MYO3A: variants seen among roughly 807,000 people sequenced by gnomAD.
The protein encoded by MYO3A is myosin-IIIa.
A neutral mutation model predicts 192.7 loss-of-function variants in MYO3A; 180 were observed. The ratio of observed to expected loss-of-function variants is 0.93; its 90% CI spans 0.83 to 1.06. MYO3A has a LOEUF of 1.06. Ranked by LOEUF, MYO3A falls within the 50% of genes least tolerant of loss-of-function variation. The probability of loss-of-function intolerance (pLI) is 0.00; values close to 1 mark genes in which losing one functional copy is unlikely to be tolerated. For synonymous variants in MYO3A, 628 were observed against 645.3 expected (o/e 0.97, Z 0.41); for missense variants, 1,896 against 1,905.0 (o/e 1.00, Z 0.09).
intron 17 of MYO3A, among the ~76,000 whole-genome samples, chr10:26,111,558 C>T (rs1004000847): frequency 6.6e-6 from 1 of 152,164 alleles, no homozygotes; most frequent in Non-Finnish European, 1.5e-5. Flanking sequence ...TTTCTCCTCC[C>T]TCAGTCCTCC....
At position 25,938,718 on chromosome 10, in the gene MYO3A, G is replaced by A. The variant is rs113634787; in HGVS notation, c.-18+2888G>A. 5.3e-5 allele frequency among the ~76,000 whole-genome samples: 8 copies of A among 152,230 alleles called. 1 individual carries two copies. The highest frequency in any genetic ancestry group is 1.9e-4 in the African/African-American group (8 of 41,544). On this transcript the variant is annotated intron_variant, in intron 2 of 34. Coordinates refer to ENST00000642920, the MANE Select transcript of MYO3A (RefSeq NM_017433.5). The stretch of plus-strand genomic sequence containing the variant: ...ACTCATGATATTAAAATATTGCTTG[G>A]TTTTGAGTAAAGCCATCTGCTGTCT...
chr10:26,111,786 G>A (rs1384356361), intron 17 of MYO3A, among the ~76,000 whole-genome samples: 1 of 152,220 alleles, frequency 6.6e-6, no homozygotes, highest in Non-Finnish European at 1.5e-5. Flanking sequence ...TTGGATGCCT[G>A]GTTAGGGGAA....
chr10:26,201,187 T>C (rs1210939509), intron 32 of MYO3A, 78 bp from the exon 33 acceptor site: 1 of 639,834 alleles, frequency 1.6e-6, no homozygotes, highest in Non-Finnish European at 2.4e-6. Flanking sequence ...TGTATTTACA[T>C]ATTAAGATTA....
At chr10:26,091,819 T>G (rs1194065568) in intron 15 of MYO3A, among the ~76,000 whole-genome samples, 1 of 152,242 alleles carries the variant, frequency 6.6e-6, no homozygotes, top group Non-Finnish European at 1.5e-5. Flanking sequence ...CTCATCCTTC[T>G]GTCTGACTCC....
intron 14 of MYO3A, among the ~76,000 whole-genome samples, chr10:26,085,925 C>T (rs916242395): frequency 2.6e-5 from 4 of 152,108 alleles, no homozygotes; most frequent in African/African-American, 9.7e-5. Context: ...TCTATGTGGC[C>T]TTTCTGGGTT....
intron 4 of MYO3A, among the ~76,000 whole-genome samples, chr10:25,995,285 A>G (rs1417816530): frequency 1.3e-5 from 2 of 152,128 alleles, no homozygotes; most frequent in Non-Finnish European, 2.9e-5. Flanking sequence ...CCTTTCTTCC[A>G]GTTGATCGAA....
chr10:25,993,951 C>T (rs1840244643), intron 4 of MYO3A, among the ~76,000 whole-genome samples: 1 of 152,062 alleles, frequency 6.6e-6, no homozygotes, highest in South Asian at 2.1e-4. Flanking sequence ...TCAGTTTTGG[C>T]ATAGGTGCGG....
At position 26,021,520 on chromosome 10, in the gene MYO3A, G is replaced by A; in HGVS notation, c.603G>A (p.Gln201=). ...WMAPEVIACE[Q]QLDTTYDARC... is the part of the protein sequence containing the mutation. ...TCTACTAGGTGATTGCATGTGAACA[G>A]CAATTGGATACCACTTATGACGCCA... The change falls in exon 8 of 35, where the codon CAG becomes CAA. Residue 201 remains glutamine (Q), a synonymous_variant. Transcript: ENST00000642920. 6.2e-7 allele frequency: 1 copy of A among 1,614,110 alleles called. No homozygotes were observed. The highest frequency in any genetic ancestry group is 8.5e-7 in the Non-Finnish European group (1 of 1,179,954).
intron 31 of MYO3A, among the ~76,000 whole-genome samples, chr10:26,188,102 C>T (rs1199237770): frequency 2.0e-5 from 3 of 152,106 alleles, no homozygotes; most frequent in Admixed American, 6.5e-5. Context: ...GTTTACAGTC[C>T]CACCAACAGT....
intron 33 of MYO3A, 47 bp from the exon 34 acceptor site, chr10:26,202,917 T>G: frequency 1.2e-6 from 2 of 1,603,808 alleles, no homozygotes; most frequent in Non-Finnish European, 8.5e-7. Context: ...TTTAAGTGAG[T>G]AGAAAATTAG....
At chr10:26,172,093 A>G (rs1406574613) in intron 29 of MYO3A, among the ~76,000 whole-genome samples, 1 of 152,234 alleles carries the variant, frequency 6.6e-6, no homozygotes. Context: ...ACATGAAAGA[A>G]GTAGAGGCAG....
chr10:26,196,246 A>G (rs192230331), intron 32 of MYO3A, among the ~76,000 whole-genome samples: 1 of 152,268 alleles, frequency 6.6e-6, no homozygotes, highest in Non-Finnish European at 1.5e-5. Context: ...TATTAAGTGC[A>G]ACTGAAATGA....
chr10:26,184,966 C>G (rs1842793400), intron 31 of MYO3A, among the ~76,000 whole-genome samples: 2 of 152,092 alleles, frequency 1.3e-5, no homozygotes, highest in South Asian at 4.1e-4. Flanking sequence ...AAATGTATGC[C>G]TCTCTGAAAT....
intron 10 of MYO3A, among the ~76,000 whole-genome samples, chr10:26,034,924 A>AGTGTGTGTGTGTGT (rs370942096): frequency 1.2e-4 from 18 of 151,124 alleles, no homozygotes; most frequent in Admixed American, 2.0e-4. Flanking sequence ...TTTTACATGA[A>AGTGTGTGTGTGTGT]GCGTGTGTGT....
intron 10 of MYO3A, among the ~76,000 whole-genome samples, chr10:26,058,743 A>G (rs1564505014): frequency 6.6e-6 from 1 of 152,202 alleles, no homozygotes. Flanking sequence ...CCACAAAATA[A>G]TTTGTTTGGA....
At chr10:26,004,185 C>T (rs944916392) in intron 6 of MYO3A, among the ~76,000 whole-genome samples, 2 of 152,108 alleles carry the variant, frequency 1.3e-5, no homozygotes, top group African/African-American at 2.4e-5. Flanking sequence ...ATGAGAAGCA[C>T]ATCCATGTAG....
intron 14 of MYO3A, among the ~76,000 whole-genome samples, chr10:26,076,635 T>C (rs2131429455): frequency 6.6e-6 from 1 of 151,828 alleles, no homozygotes; most frequent in African/African-American, 2.4e-5. Flanking sequence ...TAGTTTCAGG[T>C]ATTAAGTCCT....
At chr10:26,001,809 C>T (rs1432297370) in intron 6 of MYO3A, among the ~76,000 whole-genome samples, 1 of 152,252 alleles carries the variant, frequency 6.6e-6, no homozygotes, top group East Asian at 1.9e-4. Context: ...TAGCAAGACC[C>T]TGTCTCTACA....
intron 10 of MYO3A, 39 bp from the exon 11 acceptor site, chr10:26,066,936 G>A (rs751251429): frequency 3.5e-6 from 5 of 1,430,534 alleles, no homozygotes; most frequent in Non-Finnish European, 2.0e-6. Flanking sequence ...ACTATGAGCA[G>A]TAATCAATTC....
Sources: gnomAD v4.1 joint callset for allele counts (sites outside exome capture counted in the v4.1 genomes callset) on GRCh38, gnomAD v4.1.1 for gene constraint, MANE v1.5 for transcripts, NCBI Gene and HGNC (gene_info 2026-07-23, HGNC 2026-07-21) for gene names.